The following DNAH5 variants were observed in gnomAD, a reference collection of about 807,000 sequenced individuals.
DNAH5 encodes the protein dynein axonemal heavy chain 5, also known as axonemal beta dynein heavy chain 5.
A neutral mutation model predicts 518.2 loss-of-function variants in DNAH5; 372 were observed. The ratio of observed to expected loss-of-function variants is 0.72; its 90% CI spans 0.66 to 0.78. The LOEUF is 0.78. Ranked by LOEUF, DNAH5 falls within the 30% of genes least tolerant of loss-of-function variation. DNAH5 has a pLI of 0.00. For synonymous variants in DNAH5, 2,039 were observed against 2,025.9 expected (o/e 1.01, Z -0.17); for missense variants, 5,523 against 5,687.0 (o/e 0.97, Z 0.93).
chr5:13,973,031 A>C (rs1781987702), intron 1 of DNAH5, among the ~76,000 whole-genome samples: 1 of 152,194 alleles, frequency 6.6e-6, no homozygotes, highest in African/African-American at 2.4e-5. Context: ...GGGGCTTAGC[A>C]GATGTGAATA....
intron 43 of DNAH5, among the ~76,000 whole-genome samples, chr5:13,812,519 T>G (rs1456918667): frequency 6.6e-6 from 1 of 152,168 alleles, no homozygotes; most frequent in African/African-American, 2.4e-5. Context: ...TTGCCCAGGC[T>G]AGTCTCAAAC....
In DNAH5 at chr5:13,777,279, T is replaced by C. The variant is rs1561230130; in HGVS notation, c.9028A>G (p.Thr3010Ala). 6.2e-7 allele frequency: 1 copy of C among 1,613,334 alleles called. No individual in the cohort carries two copies. Among genetic ancestry groups the C allele is most frequent in the Non-Finnish European group, 8.5e-7 (1 of 1,179,538 alleles). ...RTAGQQGKGI[T>A]FIFTDNEIKD... ...ATCTCATTGTCTGTGAAAATAAAAG[T>C]GATTCCTTTGCCTTGCTGACCAGCT... Residue 3010 changes from threonine to alanine, a missense_variant, in exon 54 of 79, where the codon ACT (threonine) becomes GCT (alanine). Thr to Ala is a moderately conservative substitution (Grantham distance 58, BLOSUM62 0). Transcript: ENST00000265104.
chr5:13,725,827 C>T (rs1463704989), intron 70 of DNAH5, among the ~76,000 whole-genome samples: 1 of 152,084 alleles, frequency 6.6e-6, no homozygotes, highest in African/African-American at 2.4e-5. Context: ...CTAATTTTTG[C>T]ATTTTTAGCA....
chr5:13,911,052 T>A (rs1477073575), intron 12 of DNAH5, among the ~76,000 whole-genome samples: 1 of 152,184 alleles, frequency 6.6e-6, no homozygotes, highest in East Asian at 1.9e-4. Context: ...TCATAATCAT[T>A]GCTACACAGT....
At chr5:13,694,063 T>C (rs980081403) in intron 78 of DNAH5, among the ~76,000 whole-genome samples, 13 of 152,224 alleles carry the variant, frequency 8.5e-5, no homozygotes, top group African/African-American at 3.1e-4. Flanking sequence ...TCATTCTTCT[T>C]GCTGCAGATT....
At chr5:13,891,554 G>A (rs1311768287) in intron 16 of DNAH5, among the ~76,000 whole-genome samples, 2 of 152,122 alleles carry the variant, frequency 1.3e-5, no homozygotes, top group East Asian at 3.9e-4. Flanking sequence ...TCCCCACAGA[G>A]GCCCTGGGTG....
At chr5:13,709,284 G>C (rs1262573795) in intron 75 of DNAH5, among the ~76,000 whole-genome samples, 1 of 152,126 alleles carries the variant, frequency 6.6e-6, no homozygotes, top group Non-Finnish European at 1.5e-5. Context: ...GGTGGCTCAT[G>C]TTAGAAGCAC....
At chr5:13,859,696 C>T in intron 29 of DNAH5, 91 bp from the exon 30 acceptor site, 1 of 1,326,458 alleles carries the variant, frequency 7.5e-7, no homozygotes, top group Non-Finnish European at 1.1e-6. Flanking sequence ...TAATTTTTAA[C>T]CGCTTTCTTT....
chr5:13,850,918 C>G (rs1160640150), intron 30 of DNAH5, 103 bp from the exon 31 acceptor site: 6 of 1,166,678 alleles, frequency 5.1e-6, no homozygotes, highest in Non-Finnish European at 7.7e-6. Context: ...TTTAACCAGT[C>G]CAGATATCCA....
rs868859090 is a variant in DNAH5 at position 13,852,912 on chromosome 5, G to A, written c.4951-2097C>T. On this transcript the variant is annotated intron_variant, in intron 30 of 78. Transcript: ENST00000265104. ...AACTCTCATCTCCCTGGGACAGAGC[G>A]CCTGGGGGAAGGGGCAGCTGTGGGG... Among the ~76,000 whole-genome samples the A allele has an allele frequency of 7.2e-5, 11 of 152,322 alleles. No homozygotes were observed. In the East Asian group the frequency reaches 1.2e-3, roughly 16 times the overall value.
chr5:13,848,858 T>C (rs59192424), intron 31 of DNAH5, among the ~76,000 whole-genome samples: 63,196 of 152,062 alleles, frequency 0.42, 13,245 homozygotes, highest in South Asian at 0.51. Flanking sequence ...GCTACTCACC[T>C]TCTGCTGTGC....
At chr5:13,757,818 A>C (rs774921251) in intron 61 of DNAH5, among the ~76,000 whole-genome samples, 6 of 152,192 alleles carry the variant, frequency 3.9e-5, no homozygotes, top group African/African-American at 9.7e-5. Context: ...TATCTTTAAG[A>C]CATTATATCA....
intron 65 of DNAH5, among the ~76,000 whole-genome samples, chr5:13,739,006 G>T (rs1305381519): frequency 1.3e-5 from 2 of 152,062 alleles, no homozygotes; most frequent in Non-Finnish European, 2.9e-5. Context: ...AGGGTTAAGT[G>T]CAGGTGACAA....
intron 61 of DNAH5, among the ~76,000 whole-genome samples, chr5:13,756,723 G>A (rs1751041385): frequency 6.6e-6 from 1 of 152,092 alleles, no homozygotes; most frequent in African/African-American, 2.4e-5. Context: ...TTCATTTTCA[G>A]TTCAGGGGTA....
chr5:13,739,883 T>C (rs1222784951), intron 65 of DNAH5, among the ~76,000 whole-genome samples: 3 of 152,174 alleles, frequency 2.0e-5, no homozygotes, highest in African/African-American at 7.2e-5. Context: ...TTTTAAACAG[T>C]ATCGCTATGC....
chr5:13,785,040 G>C lies in DNAH5; in HGVS notation c.8820+1139C>G, dbSNP rs984638510. The stretch of plus-strand genomic sequence containing the variant: ...AGCGCATTACATTTATTGTGCACTT[G>C]ATTTCTATTATTATTACATTGTAAT... On this transcript the variant is annotated intron_variant, in intron 52 of 78. Coordinates refer to ENST00000265104, the MANE Select transcript of DNAH5 (RefSeq NM_001369.3). 3.0e-4 allele frequency among the ~76,000 whole-genome samples: 46 copies of C among 152,152 alleles called. 1 individual carries two copies. Among genetic ancestry groups the C allele is most frequent in the African/African-American group, 1.1e-3 (45 of 41,524 alleles).
Position 13,753,325 on chromosome 5 carries a change from C to T in DNAH5, c.10780G>A (p.Val3594Ile). 1 of 1,613,928 alleles carries T rather than the reference C, an allele frequency of 6.2e-7. No individual in the cohort carries two copies. The highest frequency in any genetic ancestry group is 8.5e-7 in the Non-Finnish European group (1 of 1,179,856). Residue 3594 changes from valine (V) to isoleucine (I), a missense_variant, in exon 63 of 79, where the codon GTC becomes ATC. Coordinates refer to ENST00000265104, the MANE Select transcript of DNAH5 (RefSeq NM_001369.3). ...AAAGGGTAACGAGATGCCTTCGTGA[C>T]AATAATTCCATTTTGAATGGACAAG... ...DDLSIQNGIIVTKASRYPLLI... is the reference protein window; with the variant it reads ...DDLSIQNGIIITKASRYPLLI...
intron 1 of DNAH5, among the ~76,000 whole-genome samples, chr5:14,011,571 C>CG (rs1251281824): frequency 6.6e-6 from 1 of 152,156 alleles, no homozygotes; most frequent in East Asian, 1.9e-4. Context: ...CAGGGAACCC[C>CG]GGGCCGCTCG....
chr5:13,744,526 A>G (rs1414305442), intron 65 of DNAH5, among the ~76,000 whole-genome samples: 1 of 152,084 alleles, frequency 6.6e-6, no homozygotes, highest in Non-Finnish European at 1.5e-5. Context: ...AATGTTTGAG[A>G]TGATGGATAT....
Sources: gnomAD v4.1 joint callset for allele counts (sites outside exome capture counted in the v4.1 genomes callset) on GRCh38, gnomAD v4.1.1 for gene constraint, MANE v1.5 for transcripts, NCBI Gene and HGNC (gene_info 2026-07-23, HGNC 2026-07-21) for gene names.